Variants in AK7 observed in about 807,000 individuals in gnomAD.
AK7 encodes ATP-AMP transphosphorylase 7.
AK7 carries 78 observed loss-of-function variants against 96.6 expected under a neutral mutation model. The observed-to-expected ratio is 0.81, with a 90% confidence interval of 0.67 to 0.97. The LOEUF is 0.97. Among genes scored for constraint, AK7 ranks in the 50% least tolerant of loss-of-function variants. The pLI is 0.00. For missense variants in AK7, 855 were observed against 887.9 expected (o/e 0.96, Z 0.47); for synonymous variants, 302 against 317.2 (o/e 0.95, Z 0.51).
Position 96,403,738 on chromosome 14 carries a change from C to T in AK7, c.295-1019C>T, listed in dbSNP as rs531649512. On this transcript the variant is annotated intron_variant, in intron 2 of 17. Coordinates refer to ENST00000267584, the MANE Select transcript of AK7 (RefSeq NM_152327.5). ...AGGACAATGGGAATAACAACTAATG[C>T]AAATCTTAGTTTGGAAATGCGGGGT... Among the ~76,000 whole-genome samples, 58 of 152,240 alleles carry T rather than the reference C, an allele frequency of 3.8e-4. 1 individual carries two copies. In the South Asian group the frequency reaches 0.012, roughly 31 times the overall value.
chr14:96,429,354 G>C (rs1317047507), intron 5 of AK7, among the ~76,000 whole-genome samples: 1 of 152,142 alleles, frequency 6.6e-6, no homozygotes, highest in Admixed American at 6.5e-5. Flanking sequence ...ATGCTGTTTT[G>C]GTTACTGTAG....
In AK7 at chr14:96,408,848, A is replaced by T. The variant is rs566764042; in HGVS notation, c.405A>T (p.Ala135=). The T allele has an allele frequency of 6.2e-7, 1 of 1,614,204 alleles. No individual in the cohort carries two copies. Among genetic ancestry groups the T allele is most frequent in the African/African-American group, 1.3e-5 (1 of 75,060 alleles). ...CCACTCTGCTTTTTGGCCCCACAGC[A>T]CTCAGTGAAGAAGTCAGCCACTTTG... The part of the protein sequence containing the change: ...QMEEAIWAVS[A]LSEEVSHFEK... The change falls in exon 4 of 18, where the codon GCA becomes GCT. Residue 135 remains alanine, a splice_region_variant and synonymous_variant. Transcript: ENST00000267584.
intron 3 of AK7, among the ~76,000 whole-genome samples, chr14:96,407,493 C>A (rs1192392867): frequency 2.6e-5 from 4 of 151,774 alleles, no homozygotes; most frequent in African/African-American, 9.7e-5. Context: ...ATACTAAAAT[C>A]ATACCATGGC....
intron 4 of AK7, among the ~76,000 whole-genome samples, chr14:96,413,609 G>A (rs1891165581): frequency 6.6e-6 from 1 of 152,144 alleles, no homozygotes; most frequent in African/African-American, 2.4e-5. Context: ...TCCAGGTGAC[G>A]TGGTTTCCCT....
chr14:96,436,968 A>G (rs1470378000), intron 5 of AK7, among the ~76,000 whole-genome samples: 2 of 151,240 alleles, frequency 1.3e-5, no homozygotes, highest in Admixed American at 1.3e-4. Flanking sequence ...TGGCTCACCT[A>G]AGGCATGGCC....
intron 5 of AK7, among the ~76,000 whole-genome samples, chr14:96,433,333 A>G (rs1892461117): frequency 6.6e-6 from 1 of 152,044 alleles, no homozygotes; most frequent in Non-Finnish European, 1.5e-5. Context: ...TGGTCTTTTC[A>G]CATAGTCCAA....
intron 10 of AK7, among the ~76,000 whole-genome samples, chr14:96,452,046 T>C (rs1893636789): frequency 6.6e-6 from 1 of 152,252 alleles, no homozygotes; most frequent in South Asian, 2.1e-4. Context: ...GATCTCTTTC[T>C]AAGTGGTCAG....
At chr14:96,405,001 C>T (rs8009775) in intron 3 of AK7, 136 bp downstream of exon 3, 104,894 of 457,564 alleles carry the variant, frequency 0.23, 12,488 homozygotes, top group Non-Finnish European at 0.24. Flanking sequence ...GTATGAAATC[C>T]ATGATAATAA....
chr14:96,444,201 C>T (rs1333861066), intron 7 of AK7, among the ~76,000 whole-genome samples: 3 of 152,220 alleles, frequency 2.0e-5, no homozygotes, highest in Admixed American at 6.5e-5. Flanking sequence ...AAGCTTCAGG[C>T]ACTACAAAAC....
intron 2 of AK7, among the ~76,000 whole-genome samples, chr14:96,400,376 T>G (rs1167087472): frequency 6.6e-6 from 1 of 152,184 alleles, no homozygotes; most frequent in African/African-American, 2.4e-5. Flanking sequence ...ACTACTGATT[T>G]TTATTAAAGA....
intron 4 of AK7, among the ~76,000 whole-genome samples, chr14:96,418,092 G>A (rs1443205624): frequency 6.6e-6 from 1 of 151,820 alleles, no homozygotes; most frequent in Admixed American, 6.6e-5. Context: ...GGAGGCCGAG[G>A]CAGGAGGATT....
At chr14:96,477,362 C>T (rs536280527) in intron 14 of AK7, among the ~76,000 whole-genome samples, 16 of 152,268 alleles carry the variant, frequency 1.1e-4, no homozygotes, top group Non-Finnish European at 1.2e-4. Flanking sequence ...TGCAAGTAAA[C>T]GAGAATGGCA....
intron 15 of AK7, among the ~76,000 whole-genome samples, chr14:96,481,179 G>T (rs1184166400): frequency 6.6e-6 from 1 of 152,090 alleles, no homozygotes; most frequent in African/African-American, 2.4e-5. Flanking sequence ...TCGGGCTGAG[G>T]TGCCCCACCC....
intron 4 of AK7, among the ~76,000 whole-genome samples, chr14:96,413,355 T>C (rs537133504): frequency 6.6e-6 from 1 of 152,304 alleles, no homozygotes; most frequent in South Asian, 2.1e-4. Flanking sequence ...TAAGCAACCT[T>C]GTCCTCTGCT....
chr14:96,469,304 T>C (rs1019719650), intron 12 of AK7, among the ~76,000 whole-genome samples: 18 of 152,234 alleles, frequency 1.2e-4, no homozygotes, highest in African/African-American at 4.3e-4. Flanking sequence ...GTGGATCACC[T>C]GAGGTCAGGA....
intron 5 of AK7, among the ~76,000 whole-genome samples, chr14:96,427,289 G>C (rs1428444709): frequency 6.6e-6 from 1 of 152,144 alleles, no homozygotes; most frequent in Non-Finnish European, 1.5e-5. Flanking sequence ...TCACAGCACA[G>C]TTCCACAGGC....
chr14:96,456,261 AGCAC>A, intron 10 of AK7, 82 bp from the exon 11 acceptor site: 1 of 783,240 alleles, frequency 1.3e-6, no homozygotes, highest in Non-Finnish European at 1.7e-6. Flanking sequence ...AAAAAAAAAA[AGCAC>A]TCCCCTGAAA....
At chr14:96,392,956 T>G (rs1363266950) in intron 1 of AK7, among the ~76,000 whole-genome samples, 2 of 152,168 alleles carry the variant, frequency 1.3e-5, no homozygotes, top group Non-Finnish European at 2.9e-5. Flanking sequence ...CCAAAAGGGA[T>G]TACAGGCGTG....
At position 96,415,735 on chromosome 14, in the gene AK7, AC is replaced by A. The variant is rs1340583799; in HGVS notation, c.499-5086del. 9.5e-4 allele frequency among the ~76,000 whole-genome samples: 142 copies of A among 149,962 alleles called. 1 individual carries two copies. Among genetic ancestry groups the A allele is most frequent in the African/African-American group, 3.4e-3 (141 of 41,158 alleles). On this transcript the variant is annotated intron_variant, in intron 4 of 17. Coordinates refer to ENST00000267584, the MANE Select transcript of AK7 (RefSeq NM_152327.5). Reference sequence around the variant, plus strand: ...TAATTTATTATTAATAAATTTTAATACATTAATTAAATTAATTAATTTAATA... The same window carrying A: ...TAATTTATTATTAATAAATTTTAATAATTAATTAAATTAATTAATTTAATA...
Sources: allele counts gnomAD v4.1 joint callset (sites outside exome capture counted in the v4.1 genomes callset), GRCh38; gene constraint gnomAD v4.1.1; transcripts MANE v1.5; gene names NCBI Gene and HGNC (gene_info 2026-07-23, HGNC 2026-07-21).